Variants in CSMD3 observed in about 807,000 individuals in gnomAD.
CSMD3 encodes CUB and sushi domain-containing protein 3.
A neutral mutation model predicts 435.2 loss-of-function variants in CSMD3; 177 were observed. The ratio of observed to expected loss-of-function variants is 0.41; its 90% CI spans 0.36 to 0.46. CSMD3 has a LOEUF of 0.46. CSMD3 is among the 20% of genes least tolerant of loss of function. The probability of loss-of-function intolerance (pLI) is 0.34; values close to 1 mark genes in which losing one functional copy is unlikely to be tolerated. For synonymous variants in CSMD3, 1,656 were observed against 1,520.5 expected, an observed-to-expected ratio of 1.09 and a Z score of -2.07; for missense variants, 4,265 against 4,504.6, an observed-to-expected ratio of 0.95 and a Z score of 1.52.
intron 38 of CSMD3, among the ~76,000 whole-genome samples, chr8:112,364,899 A>G (rs1827615873): frequency 1.3e-5 from 2 of 152,150 alleles, no homozygotes; most frequent in South Asian, 4.1e-4. Flanking sequence ...AATGTGGATC[A>G]GGAAAAAGAA....
At chr8:112,931,352 A>T (rs1447389421) in intron 9 of CSMD3, among the ~76,000 whole-genome samples, 1 of 151,928 alleles carries the variant, frequency 6.6e-6, no homozygotes, top group Non-Finnish European at 1.5e-5. Context: ...CCTTTCCAAC[A>T]CTCTCTTCAA....
chr8:112,821,258 C>T (rs2079522810), intron 12 of CSMD3, among the ~76,000 whole-genome samples: 1 of 152,200 alleles, frequency 6.6e-6, no homozygotes, highest in African/African-American at 2.4e-5. Context: ...AACTAATTTA[C>T]ATTCTTACCA....
chr8:113,236,827 A>C (rs146581694), intron 3 of CSMD3, among the ~76,000 whole-genome samples: 176 of 151,758 alleles, frequency 1.2e-3, no homozygotes, highest in African/African-American at 4.0e-3. Context: ...CTATCTCTCT[A>C]TCTATCTATC....
At chr8:113,248,051 A>C (rs1434260570) in intron 3 of CSMD3, among the ~76,000 whole-genome samples, 1 of 152,050 alleles carries the variant, frequency 6.6e-6, no homozygotes, top group Non-Finnish European at 1.5e-5. Context: ...ACTGCATCTG[A>C]CTCTCAAGAA....
chr8:112,714,503 T>A (rs971408997), intron 13 of CSMD3, among the ~76,000 whole-genome samples: 1 of 152,162 alleles, frequency 6.6e-6, no homozygotes, highest in African/African-American at 2.4e-5. Flanking sequence ...ACTGTCAATA[T>A]TAGACAGTTC....
At chr8:113,259,218 A>G (rs2093407298) in intron 3 of CSMD3, among the ~76,000 whole-genome samples, 1 of 152,092 alleles carries the variant, frequency 6.6e-6, no homozygotes, top group African/African-American at 2.4e-5. Flanking sequence ...GCTTGAGCCA[A>G]TGAGAAGTTA....
chr8:112,695,129 C>G (rs1239955778), intron 13 of CSMD3, among the ~76,000 whole-genome samples: 2 of 152,152 alleles, frequency 1.3e-5, no homozygotes, highest in African/African-American at 4.8e-5. Context: ...TTAGCAAATG[C>G]TAAGTCTCTC....
intron 13 of CSMD3, among the ~76,000 whole-genome samples, chr8:112,694,060 TC>T (rs2076198395): frequency 1.8e-5 from 1 of 57,134 alleles, no homozygotes; most frequent in Admixed American, 1.2e-4. Context: ...TTCATAGTCT[TC>T]TTTTTTTCCA....
chr8:112,942,707 C>T (rs145274749), intron 9 of CSMD3, among the ~76,000 whole-genome samples: 1,638 of 151,628 alleles, frequency 0.011, 17 homozygotes, highest in Non-Finnish European at 0.018. Context: ...CTGGGGCCTA[C>T]TTGAGGTTGG....
At chr8:112,291,363 T>C (rs1346011606) in intron 56 of CSMD3, 147 bp downstream of exon 56, 13 of 648,216 alleles carry the variant, frequency 2.0e-5, no homozygotes, top group Non-Finnish European at 3.2e-5. Flanking sequence ...TTGCAAAATA[T>C]AGAAAAGTAT....
At chr8:113,163,550 C>G (rs1265583445) in intron 4 of CSMD3, among the ~76,000 whole-genome samples, 2 of 151,714 alleles carry the variant, frequency 1.3e-5, no homozygotes, top group Non-Finnish European at 2.9e-5. Flanking sequence ...GAAACTTATT[C>G]TAGAAATTAG....
At chr8:113,430,910 CA>C (rs1187465213) in intron 1 of CSMD3, among the ~76,000 whole-genome samples, 6 of 152,160 alleles carry the variant, frequency 3.9e-5, no homozygotes, top group African/African-American at 1.4e-4. Flanking sequence ...AACAGCTTAG[CA>C]AAGCAACTTA....
At chr8:113,363,906 G>C (rs552569894) in intron 1 of CSMD3, among the ~76,000 whole-genome samples, 40 of 152,092 alleles carry the variant, frequency 2.6e-4, no homozygotes, top group South Asian at 6.2e-4. Flanking sequence ...TGAATTTCAT[G>C]GATTTTTCTT....
chr8:112,363,844 T>C (rs1586884061), intron 38 of CSMD3, among the ~76,000 whole-genome samples: 2 of 152,118 alleles, frequency 1.3e-5, no homozygotes. Flanking sequence ...TAATGGCAAT[T>C]GAAATTAGAA....
intron 12 of CSMD3, among the ~76,000 whole-genome samples, chr8:112,813,446 CA>C (rs1370223682): frequency 8.6e-5 from 13 of 152,004 alleles, no homozygotes; most frequent in Admixed American, 1.3e-4. Context: ...CAGGACTTTA[CA>C]AAGTATGTTC....
chr8:112,616,877 T>C (rs1833698002), intron 22 of CSMD3, among the ~76,000 whole-genome samples: 1 of 152,192 alleles, frequency 6.6e-6, no homozygotes, highest in Non-Finnish European at 1.5e-5. Context: ...TAAAGGCTTA[T>C]ATAGAAGCCT....
intron 6 of CSMD3, among the ~76,000 whole-genome samples, chr8:113,011,154 A>T (rs945235190): frequency 2.0e-5 from 3 of 151,904 alleles, no homozygotes; most frequent in Admixed American, 2.0e-4. Context: ...TAAAACAGCT[A>T]AAAAAGATAA....
At chr8:112,228,084 G>C (rs749798095) in intron 70 of CSMD3, among the ~76,000 whole-genome samples, 2 of 152,008 alleles carry the variant, frequency 1.3e-5, no homozygotes, top group Non-Finnish European at 2.9e-5. Context: ...AAGGCATTTA[G>C]GTTATAGTCA....
chr8:112,545,892 G>C (rs1176927135), intron 27 of CSMD3, among the ~76,000 whole-genome samples: 2 of 152,126 alleles, frequency 1.3e-5, no homozygotes, highest in Non-Finnish European at 2.9e-5. Flanking sequence ...CAGAATGCCA[G>C]GACAACAGGC....
Sources: allele counts gnomAD v4.1 joint callset (sites outside exome capture counted in the v4.1 genomes callset), GRCh38; gene constraint gnomAD v4.1.1; transcripts MANE v1.5; gene names NCBI Gene and HGNC (gene_info 2026-07-23, HGNC 2026-07-21).